PLXND1: variants seen among roughly 807,000 people sequenced by gnomAD.
PLXND1 encodes the protein plexin-D1.
PLXND1 carries 54 observed loss-of-function variants against 197.7 expected under a neutral mutation model. The observed-to-expected ratio is 0.27, with a 90% CI of 0.22 to 0.34. The LOEUF (loss-of-function observed/expected upper bound fraction) is 0.34. Among genes scored for constraint, PLXND1 ranks in the 10% least tolerant of loss-of-function variants. PLXND1 has a pLI of 1.00. For synonymous variants in PLXND1, 1,180 were observed against 1,161.2 expected, an observed-to-expected ratio of 1.02 and a Z score of -0.33; for missense variants, 2,127 against 2,699.2, an observed-to-expected ratio of 0.79 and a Z score of 4.70.
chr3:129,562,980 TGCTGCCATCACTATGTCA>T lies in PLXND1; in HGVS notation c.4669-55_4669-38del, dbSNP rs763807515. On this transcript the variant is annotated intron_variant, in intron 26 of 35. Coordinates refer to ENST00000324093, the MANE Select transcript of PLXND1 (RefSeq NM_015103.3). ...GAGTGGGAGAGAAAGGTCAGTGAGT[TGCTGCCATCACTATGTCA>T]GTGCCCAGGCAGCAAGGCCCTGCAG... The T allele has an allele frequency of 6.2e-6, 10 of 1,603,756 alleles. No homozygotes were observed. The South Asian group carries it at 1.1e-4, about 18-fold the overall frequency.
At chr3:129,587,896 T>C (rs957431842) in intron 2 of PLXND1, among the ~76,000 whole-genome samples, 1 of 152,260 alleles carries the variant, frequency 6.6e-6, no homozygotes, top group African/African-American at 2.4e-5. Context: ...TCCATGGGCT[T>C]TGTCCCAGCC....
intron 1 of PLXND1, among the ~76,000 whole-genome samples, chr3:129,590,161 C>T (rs1056257892): frequency 1.3e-5 from 2 of 152,176 alleles, no homozygotes; most frequent in African/African-American, 2.4e-5. Flanking sequence ...ATCCCCTCAT[C>T]TGCCCACATT....
At chr3:129,566,284 T>C in intron 23 of PLXND1, 1 of 596,410 alleles carries the variant, frequency 1.7e-6, no homozygotes, top group Non-Finnish European at 3.0e-6. Flanking sequence ...GCAGGTTGAG[T>C]GGGGTGTACA....
Position 129,586,636 on chromosome 3 carries a change from C to T in PLXND1, c.1572G>A (p.Gln524=). The T allele has an allele frequency of 1.3e-6, 2 of 1,579,906 alleles. No homozygotes were observed. The highest frequency in any genetic ancestry group is 1.7e-6 in the Non-Finnish European group (2 of 1,162,352). Residue 524 remains glutamine (Q), a synonymous_variant, in exon 3 of 36, where the codon CAG becomes CAA. Transcript: ENST00000324093. ...GGTAACCGGAGTCTGCTGGGTCAAA[C>T]TGCATGACATGGTGCACGGGCTCCC... is the stretch of plus-strand genomic sequence containing the variant. ...AYGEPVHHVM[Q]FDPADSGYLY... is the part of the protein sequence containing the mutation.
chr3:129,578,464 C>G (rs1337545363), intron 8 of PLXND1, 31 bp from the exon 9 acceptor site: 2 of 1,374,166 alleles, frequency 1.5e-6, no homozygotes, highest in Non-Finnish European at 2.0e-6. Flanking sequence ...GAGGGTGACA[C>G]AGGGGCATTT....
At chr3:129,585,507 T>C (rs1362186687) in intron 5 of PLXND1, among the ~76,000 whole-genome samples, 1 of 152,198 alleles carries the variant, frequency 6.6e-6, no homozygotes, top group Non-Finnish European at 1.5e-5. Flanking sequence ...TGGCACCTGG[T>C]GGTCCCTCCC....
At position 129,565,373 on chromosome 3, in the gene PLXND1, G is replaced by A. The variant is rs2085123553; in HGVS notation, c.4488C>T (p.Asn1496=). Residue 1496 remains asparagine (N), a synonymous_variant, in exon 25 of 36, where the codon AAC becomes AAT. Transcript: ENST00000324093. ...AGCTGTACATGCAGATGGACATCCA[G>A]TTGGTGAGCATCTTCTCCACCACAG... ...TESVVEKMLT[N]WMSICMYSCL... is the part of the protein sequence containing the mutation. 1 of 1,613,958 alleles carries A rather than the reference G, an allele frequency of 6.2e-7. No homozygotes were observed. Among genetic ancestry groups the A allele is most frequent in the Non-Finnish European group, 8.5e-7 (1 of 1,179,996 alleles).
intron 25 of PLXND1, 143 bp downstream of exon 25, chr3:129,565,197 G>T (rs924987391): frequency 4.4e-6 from 3 of 684,780 alleles, no homozygotes; most frequent in African/African-American, 1.8e-5. Flanking sequence ...GGTCCTACGG[G>T]CCTGGCCTGT....
At position 129,575,483 on chromosome 3, in the gene PLXND1, G is replaced by C. The variant is rs1267160264; in HGVS notation, c.2516C>G (p.Pro839Arg). The C allele has an allele frequency of 6.4e-7, 1 of 1,552,752 alleles. No homozygotes were observed. The highest frequency in any genetic ancestry group is 1.2e-5 in the South Asian group (1 of 84,154). Reference sequence around the variant, plus strand: ...GGGGTGCCCACCTGTCATGGGCTCAGGGCTGTCCAGGAATCGGGCTGGCCG... The same window carrying C: ...GGGGTGCCCACCTGTCATGGGCTCACGGCTGTCCAGGAATCGGGCTGGCCG... ...KGRPARFLDS[P>R]EPMTVMVYNC... The change falls in exon 11 of 36, where the codon CCT becomes CGT. Residue 839 changes from proline to arginine, a missense_variant. By Grantham distance (103) the Pro-to-Arg change is moderately radical. Around this residue, in one of 6 missense-constraint regions of PLXND1, gnomAD observed 1,095 missense variants for 1,259.8 expected, o/e 0.87. Coordinates refer to ENST00000324093, the MANE Select transcript of PLXND1 (RefSeq NM_015103.3).
intron 8 of PLXND1, among the ~76,000 whole-genome samples, chr3:129,581,068 G>T (rs2085380969): frequency 6.6e-6 from 1 of 152,110 alleles, no homozygotes; most frequent in South Asian, 2.1e-4. Flanking sequence ...GACCATGAGG[G>T]ACAATGGGAA....
Position 129,555,696 on chromosome 3 carries a change from C to A in PLXND1, c.*616G>T, listed in dbSNP as rs1373070761. ...CCATCCCTCCCCTCCACCCTCCCTG[C>A]TCCTGGAGAAGCCCACAGAGCACCC... On this transcript the variant is annotated 3_prime_UTR_variant, in exon 36 of 36. Coordinates refer to ENST00000324093, the MANE Select transcript of PLXND1 (RefSeq NM_015103.3). 1.9e-6 allele frequency: 1 copy of A among 538,274 alleles called. No individual in the cohort carries two copies. Among genetic ancestry groups the A allele is most frequent in the African/African-American group, 2.0e-5 (1 of 50,326 alleles). The allele number at this position is 538,274 out of a possible 1,614,324, so 33.3% of individuals were successfully genotyped here. A position where few individuals can be genotyped will look rare whatever the true frequency, so the allele number is the denominator to read the frequency against.
Position 129,559,602 on chromosome 3 carries a change from GGC to G in PLXND1, c.5297+16_5297+17del, listed in dbSNP as rs1560057769. The stretch of plus-strand genomic sequence containing the variant: ...CCCAGTGGCACAGTGAAGTCCACAC[GGC>G]CCCCCCACCCGCCACCTGTTGGTCT... On this transcript the variant is annotated intron_variant, in intron 32 of 35. Coordinates refer to ENST00000324093, the MANE Select transcript of PLXND1 (RefSeq NM_015103.3). The G allele has an allele frequency of 6.4e-7, 1 of 1,563,984 alleles. No individual in the cohort carries two copies. The highest frequency in any genetic ancestry group is 1.4e-5 in the African/African-American group (1 of 70,436).
In PLXND1 at chr3:129,583,497, C is replaced by A. The variant is rs567033647; in HGVS notation, c.2241+70G>T. The stretch of plus-strand genomic sequence containing the variant: ...GAATATGCAAAGGCATTGAAACATT[C>A]TCAACATGTGAATTTTTTAAAAAAG... On this transcript the variant is annotated intron_variant, in intron 8 of 35. Transcript: ENST00000324093. The A allele has an allele frequency of 3.6e-5, 36 of 994,014 alleles. No individual in the cohort carries two copies. In the African/African-American group the frequency reaches 4.7e-4, roughly 13 times the overall value. The allele number at this position is 994,014 out of a possible 1,614,324, so 61.6% of individuals were successfully genotyped here.
rs757858411 is a variant in PLXND1 at position 129,556,357 on chromosome 3, C to A, written c.5733G>T (p.Val1911=). Residue 1911 remains valine (V), a synonymous_variant, in exon 36 of 36, where the codon GTG becomes GTT. Coordinates refer to ENST00000324093, the MANE Select transcript of PLXND1 (RefSeq NM_015103.3). ...TQLQHKFEQV[V]ALMEDNIYEC... ...CGTAGATGTTGTCCTCCATCAAAGCCACCACCTGCTCAAACTTGTGCTGCA... is the reference window on the plus strand; with the variant it reads ...CGTAGATGTTGTCCTCCATCAAAGCAACCACCTGCTCAAACTTGTGCTGCA... 7.4e-6 allele frequency: 12 copies of A among 1,614,184 alleles called. No homozygotes were observed. The South Asian group carries it at 1.2e-4, about 16-fold the overall frequency.
intron 1 of PLXND1, among the ~76,000 whole-genome samples, chr3:129,598,264 C>T (rs933890782): frequency 6.6e-6 from 1 of 152,178 alleles, no homozygotes; most frequent in African/African-American, 2.4e-5. Flanking sequence ...TCCAACCTCC[C>T]CTCCTCCAGG....
chr3:129,573,484 T>C (rs1033366555), intron 13 of PLXND1, 110 bp downstream of exon 13: 41 of 1,145,848 alleles, frequency 3.6e-5, no homozygotes, highest in Non-Finnish European at 4.1e-5. Flanking sequence ...AGCAACAGTC[T>C]TCCAGAAAGC....
In PLXND1 at chr3:129,583,651, C is replaced by T. The variant is rs556129802; in HGVS notation, c.2157G>A (p.Ser719=). The T allele has an allele frequency of 1.7e-5, 28 of 1,613,060 alleles. No homozygotes were observed. The highest frequency in any genetic ancestry group is 8.8e-5 in the South Asian group (8 of 91,002). ...YPHTACTSCL[S]AQWPCFWCSQ... ...TGCACCAGAAACAGGGCCACTGTGC[C>T]GACAGGCAGCTGGTACAGCTGGAAG... is the stretch of plus-strand genomic sequence containing the variant. The change falls in exon 8 of 36, where the codon TCG becomes TCA. Residue 719 remains serine, a synonymous_variant. Coordinates refer to ENST00000324093, the MANE Select transcript of PLXND1 (RefSeq NM_015103.3).
chr3:129,557,337 G>C lies in PLXND1; in HGVS notation c.5446-114C>G. 1 of 1,152,376 alleles carries C rather than the reference G, an allele frequency of 8.7e-7. No homozygotes were observed. The highest frequency in any genetic ancestry group is 1.2e-6 in the Non-Finnish European group (1 of 801,256). The allele number at this position is 1,152,376 out of a possible 1,614,324, so 71.4% of individuals were successfully genotyped here. On this transcript the variant is annotated intron_variant, in intron 33 of 35. Coordinates refer to ENST00000324093, the MANE Select transcript of PLXND1 (RefSeq NM_015103.3). The surrounding 1 kb of genome is among the most constrained non-coding windows in gnomAD (Gnocchi z 4.8). ...ACATAAGTGACCTTAGCAGGCCCCC[G>C]AGGCCCAAAGAGTCTCACCCGGTCA...
intron 1 of PLXND1, among the ~76,000 whole-genome samples, chr3:129,596,235 C>T (rs898636889): frequency 2.0e-5 from 3 of 152,226 alleles, no homozygotes; most frequent in Non-Finnish European, 2.9e-5. Flanking sequence ...GCCACTCCAC[C>T]GCTTCCTGAA....
Sources: allele counts gnomAD v4.1 joint callset (sites outside exome capture counted in the v4.1 genomes callset), GRCh38; gene constraint gnomAD v4.1.1; regional missense constraint gnomAD v4.1.1; non-coding constraint Gnocchi (gnomAD v3.1); transcripts MANE v1.5; gene names NCBI Gene and HGNC (gene_info 2026-07-23, HGNC 2026-07-21).